PWWP3B: variants seen among roughly 807,000 people sequenced by gnomAD.
The protein encoded by PWWP3B is PWWP domain containing 3B.
PWWP3B carries 5 observed loss-of-function variants against 15.7 expected under a neutral mutation model. The observed-to-expected ratio is 0.32, with a 90% CI of 0.17 to 0.67. PWWP3B has a LOEUF of 0.67. Ranked by LOEUF, PWWP3B falls within the 30% of genes least tolerant of loss-of-function variation. The pLI is 0.74. For missense variants in PWWP3B, 519 were observed against 493.1 expected, an observed-to-expected ratio of 1.05 and a Z score of -0.50; for synonymous variants, 203 against 179.8, an observed-to-expected ratio of 1.13 and a Z score of -1.03.
chrX:106,207,093 AG>A lies in PWWP3B; in HGVS notation c.1662del (p.Asn555ThrfsTer7). 2 of 1,207,332 alleles carry A rather than the reference AG, an allele frequency of 1.7e-6. No individual in the cohort carries two copies. The highest frequency in any genetic ancestry group is 2.2e-6 in the Non-Finnish European group (2 of 892,991). ...RMKAARDRAN[K>X]NLVDFIVNAK... ...AAGGCTGCTCGGGACCGAGCCAACA[AG>A]AACCTGGTGGACTTCATTGTGAATG... On this transcript the variant is annotated frameshift_variant, in exon 4 of 4. Transcript: ENST00000357175. LOFTEE classifies it high-confidence loss of function.
At chrX:106,179,995 G>A (rs760727442) in intron 2 of PWWP3B, among the ~76,000 whole-genome samples, 2 of 111,241 alleles carry the variant, frequency 1.8e-5, no homozygotes, top group South Asian at 7.7e-4. Flanking sequence ...TTTCCAATGG[G>A]TGGCCGTGGC....
chrX:106,188,693 G>A (rs1328148672), intron 2 of PWWP3B, among the ~76,000 whole-genome samples: 1 of 112,262 alleles, frequency 8.9e-6, no homozygotes, highest in Admixed American at 9.4e-5. Context: ...GTCAGTTCCT[G>A]ACAACCACTG....
At chrX:106,194,866 A>G (rs1216642646) in intron 2 of PWWP3B, among the ~76,000 whole-genome samples, 1 of 111,770 alleles carries the variant, frequency 8.9e-6, no homozygotes, top group East Asian at 2.8e-4. Flanking sequence ...GATATTGGTG[A>G]ACTGCAGATG....
intron 2 of PWWP3B, among the ~76,000 whole-genome samples, chrX:106,189,241 T>G (rs1922719304): frequency 8.9e-6 from 1 of 111,806 alleles, no homozygotes; most frequent in South Asian, 3.7e-4. Flanking sequence ...AATTTTATTA[T>G]TATTATACTT....
At chrX:106,184,308 G>A (rs1922379670) in intron 2 of PWWP3B, among the ~76,000 whole-genome samples, 1 of 111,549 alleles carries the variant, frequency 9.0e-6, no homozygotes, top group Admixed American at 9.5e-5. Flanking sequence ...GGAGTTGGGT[G>A]ACAGGGGAGT....
chrX:106,188,742 T>C (rs1303410983), intron 2 of PWWP3B, among the ~76,000 whole-genome samples: 2 of 112,716 alleles, frequency 1.8e-5, no homozygotes, highest in Admixed American at 9.4e-5. Context: ...TTTTCCAGAA[T>C]GTCATACAAA....
intron 2 of PWWP3B, among the ~76,000 whole-genome samples, chrX:106,185,442 G>T (rs1195650686): frequency 9.0e-6 from 1 of 111,398 alleles, no homozygotes; most frequent in African/African-American, 3.3e-5. Context: ...TCTTGCCCAA[G>T]AACCTGCAGC....
At chrX:106,172,859 A>C (rs1465142173) in intron 2 of PWWP3B, among the ~76,000 whole-genome samples, 3 of 111,824 alleles carry the variant, frequency 2.7e-5, no homozygotes, top group African/African-American at 9.8e-5. Context: ...GGTTGTTTAC[A>C]CCAGCAGCAC....
chrX:106,198,653 A>G (rs917769872), intron 2 of PWWP3B, among the ~76,000 whole-genome samples: 4 of 111,849 alleles, frequency 3.6e-5, no homozygotes, highest in Non-Finnish European at 7.5e-5. Context: ...AGCATTTGCT[A>G]TTATTAGTTA....
intron 2 of PWWP3B, among the ~76,000 whole-genome samples, chrX:106,188,039 CAT>C (rs944281071): frequency 1.8e-5 from 2 of 111,165 alleles, no homozygotes; most frequent in Admixed American, 1.9e-4. Context: ...TCTTTCCACT[CAT>C]ATGGTTTAGT....
chrX:106,204,380 G>A (rs189636727), intron 3 of PWWP3B, among the ~76,000 whole-genome samples: 43 of 112,062 alleles, frequency 3.8e-4, no homozygotes, highest in African/African-American at 1.2e-3. Context: ...ATTAAAAGTC[G>A]TAACTTCTAG....
At chrX:106,173,830 G>C (rs1306573583) in intron 2 of PWWP3B, among the ~76,000 whole-genome samples, 1 of 111,622 alleles carries the variant, frequency 9.0e-6, no homozygotes, top group Non-Finnish European at 1.9e-5. Flanking sequence ...ATGCATCCTT[G>C]CTGACTATGC....
rs1158864297 is a variant in PWWP3B, at chrX:106,181,519, C to G, written c.-401+10380C>G. 2.7e-5 allele frequency among the ~76,000 whole-genome samples: 3 copies of G among 111,476 alleles called. No homozygotes were observed. In the East Asian group the frequency reaches 8.4e-4, roughly 31 times the overall value. On this transcript the variant is annotated intron_variant, in intron 2 of 3. Transcript: ENST00000357175. ...TACAATCCTCTAGCTAGACACAGAA[C>G]ATTGATTTGTGCATTTACAATCCTC...
At position 106,175,970 on chromosome X, in the gene PWWP3B, G is replaced by A. The variant is rs79296050; in HGVS notation, c.-401+4831G>A. Among the ~76,000 whole-genome samples the A allele has an allele frequency of 2.7e-4, 30 of 111,680 alleles. No individual in the cohort carries two copies. The East Asian group carries it at 7.0e-3, about 26-fold the overall frequency. ...CTCCACTGAACAAACTGGATAGATA[G>A]ATATAAAACAAATGGAGTTGCAGAT... is the stretch of plus-strand genomic sequence containing the variant. On this transcript the variant is annotated intron_variant, in intron 2 of 3. Coordinates refer to ENST00000357175, the MANE Select transcript of PWWP3B (RefSeq NM_001171020.2).
rs1924047526 is a variant in PWWP3B at position 106,206,674 on chromosome X, A to G, written c.1242A>G (p.Arg414=). ...PFWPAVIKSI[R]RKERKASVLF... The stretch of plus-strand genomic sequence containing the variant: ...GGCCAGCAGTGATAAAAAGTATCAG[A>G]CGAAAAGAGAGGAAAGCAAGTGTGC... The change falls in exon 4 of 4, where the codon AGA becomes AGG. Residue 414 remains arginine (R), a synonymous_variant. Coordinates refer to ENST00000357175, the MANE Select transcript of PWWP3B (RefSeq NM_001171020.2). The G allele has an allele frequency of 3.3e-6, 4 of 1,208,734 alleles. No individual in the cohort carries two copies. Among genetic ancestry groups the G allele is most frequent in the East Asian group, 5.9e-5 (2 of 33,763 alleles).
intron 2 of PWWP3B, among the ~76,000 whole-genome samples, chrX:106,192,083 T>C (rs1223477801): frequency 8.9e-6 from 1 of 112,089 alleles, no homozygotes; most frequent in Non-Finnish European, 1.9e-5. Flanking sequence ...ATTCCCTCTT[T>C]TTCTATTGAT....
intron 2 of PWWP3B, among the ~76,000 whole-genome samples, chrX:106,187,029 G>A (rs1295846218): frequency 1.6e-4 from 18 of 111,755 alleles, no homozygotes; most frequent in Non-Finnish European, 2.8e-4. Flanking sequence ...GTCCCCACTC[G>A]ACCCAGGAAG....
chrX:106,207,532 A>C lies in PWWP3B; in HGVS notation c.*9A>C, dbSNP rs752343523. The C allele has an allele frequency of 3.7e-5, 42 of 1,126,418 alleles. No individual in the cohort carries two copies. Among genetic ancestry groups the C allele is most frequent in the Non-Finnish European group, 4.6e-5 (39 of 857,138 alleles). The allele number at this position is 1,126,418 out of a possible 1,213,427, so 92.8% of individuals were successfully genotyped here. On this transcript the variant is annotated 3_prime_UTR_variant, in exon 4 of 4. Transcript: ENST00000357175. ...CAAATGAAGCTCACTAAATGTGCTG[A>C]AAGTTGAAACCATGACAGGGAGCTC...
intron 1 of PWWP3B, among the ~76,000 whole-genome samples, chrX:106,169,045 C>T (rs1168262018): frequency 1.8e-5 from 2 of 111,490 alleles, no homozygotes; most frequent in Non-Finnish European, 3.8e-5. Context: ...CAATAACAGA[C>T]GTGCATTAGT....
Sources: gnomAD v4.1 joint callset for allele counts (sites outside exome capture counted in the v4.1 genomes callset) on GRCh38, gnomAD v4.1.1 for gene constraint, MANE v1.5 for transcripts, NCBI Gene and HGNC (gene_info 2026-07-23, HGNC 2026-07-21) for gene names.